Variants in LARP4 observed in about 807,000 individuals in gnomAD.
The protein encoded by LARP4 is La ribonucleoprotein 4.
A neutral mutation model predicts 92.9 loss-of-function variants in LARP4; 29 were observed. The ratio of observed to expected loss-of-function variants is 0.31; its 90% CI spans 0.23 to 0.43. The LOEUF (loss-of-function observed/expected upper bound fraction) is 0.43. Ranked by LOEUF, LARP4 falls within the 20% of genes least tolerant of loss-of-function variation. The pLI is 1.00. For missense variants in LARP4, 732 were observed against 860.0 expected, an observed-to-expected ratio of 0.85 and a Z score of 1.86; for synonymous variants, 279 against 284.1, an observed-to-expected ratio of 0.98 and a Z score of 0.18.
chr12:50,411,494 C>T (rs753564293), intron 1 of LARP4, among the ~76,000 whole-genome samples: 27 of 151,662 alleles, frequency 1.8e-4, no homozygotes, highest in Non-Finnish European at 3.1e-4. Context: ...CAGACGTGCA[C>T]CACCAACCCC....
chr12:50,461,036 G>T, intron 10 of LARP4, 99 bp from the exon 11 acceptor site: 2 of 852,242 alleles, frequency 2.3e-6, no homozygotes, highest in Non-Finnish European at 3.9e-6. Flanking sequence ...TTAATTTTTT[G>T]AAAACCCCAG....
At chr12:50,442,703 A>G (rs1951409613) in intron 8 of LARP4, among the ~76,000 whole-genome samples, 1 of 152,236 alleles carries the variant, frequency 6.6e-6, no homozygotes. Context: ...TTTAATCCTT[A>G]CAGGAACCTA....
chr12:50,443,987 A>G (rs921067561), intron 8 of LARP4, among the ~76,000 whole-genome samples: 3 of 151,940 alleles, frequency 2.0e-5, no homozygotes, highest in Non-Finnish European at 2.9e-5. Flanking sequence ...CCTTGACCCT[A>G]TTTTTCAGGA....
At chr12:50,404,679 C>T (rs1944462131) in intron 1 of LARP4, among the ~76,000 whole-genome samples, 1 of 135,744 alleles carries the variant, frequency 7.4e-6, no homozygotes, top group South Asian at 2.4e-4. Flanking sequence ...TGGGTTCAAG[C>T]AGTTTTTTTT....
intron 1 of LARP4, 78 bp downstream of exon 1, chr12:50,401,106 T>C: frequency 6.4e-7 from 1 of 1,551,136 alleles, no homozygotes; most frequent in Non-Finnish European, 8.9e-7. Flanking sequence ...CACCGCCATG[T>C]GACTTTCCGG....
At chr12:50,417,490 C>T (rs1171998377) in intron 1 of LARP4, among the ~76,000 whole-genome samples, 4 of 152,040 alleles carry the variant, frequency 2.6e-5, no homozygotes, top group African/African-American at 7.2e-5. Context: ...GAGCTAATTA[C>T]GATATGAGGA....
intron 1 of LARP4, among the ~76,000 whole-genome samples, chr12:50,413,584 A>G (rs1946276121): frequency 6.6e-6 from 1 of 152,186 alleles, no homozygotes. Flanking sequence ...ACAAATCTAG[A>G]TGGTATACCT....
At chr12:50,417,095 T>C (rs1946933093) in intron 1 of LARP4, among the ~76,000 whole-genome samples, 1 of 152,132 alleles carries the variant, frequency 6.6e-6, no homozygotes, top group Non-Finnish European at 1.5e-5. Context: ...GTGGCAAATA[T>C]GAAAGTGTCT....
At chr12:50,431,579 G>T (rs1225437189) in intron 4 of LARP4, among the ~76,000 whole-genome samples, 1 of 152,170 alleles carries the variant, frequency 6.6e-6, no homozygotes, top group Non-Finnish European at 1.5e-5. Flanking sequence ...AGGCGCAGTG[G>T]CTCATGCCTG....
chr12:50,441,268 ATCAC>A (rs1245993265), intron 7 of LARP4: 3 of 203,800 alleles, frequency 1.5e-5, no homozygotes, highest in Non-Finnish European at 2.9e-5. Flanking sequence ...GTGTTTAAAA[ATCAC>A]TCACAGATTT....
chr12:50,465,893 G>C (rs1402511661), intron 12 of LARP4, among the ~76,000 whole-genome samples: 1 of 152,156 alleles, frequency 6.6e-6, no homozygotes, highest in African/African-American at 2.4e-5. Flanking sequence ...TTGAAGCCAT[G>C]GATAGTGGAC....
chr12:50,479,915 A>G lies in LARP4; in HGVS notation c.*4051A>G, dbSNP rs1375606627. The G allele has an allele frequency of 6.6e-6, 1 of 152,608 alleles. No individual in the cohort carries two copies. The highest frequency in any genetic ancestry group is 6.5e-5 in the Admixed American group (1 of 15,282). 9.5% of individuals were successfully genotyped at this position (152,608 alleles called of 1,614,324 possible). A position where few individuals can be genotyped will look rare whatever the true frequency, so the allele number is the denominator to read the frequency against. On this transcript the variant is annotated 3_prime_UTR_variant, in exon 16 of 16. Transcript: ENST00000398473. ...TCATGCATAAAATGTTAAAATGAGT[A>G]CATCCTTGTATTTGTATTTGTTTTC...
At chr12:50,456,008 T>C (rs1042925564) in intron 10 of LARP4, among the ~76,000 whole-genome samples, 14 of 152,116 alleles carry the variant, frequency 9.2e-5, no homozygotes, top group African/African-American at 3.4e-4. Context: ...GCCGAGATCA[T>C]ACCACTGCAC....
At chr12:50,423,605 C>T (rs1026285446) in intron 1 of LARP4, among the ~76,000 whole-genome samples, 2 of 152,008 alleles carry the variant, frequency 1.3e-5, no homozygotes, top group South Asian at 2.1e-4. Flanking sequence ...CAGGCCACCA[C>T]GCCCGGCTAA....
intron 3 of LARP4, among the ~76,000 whole-genome samples, chr12:50,429,442 C>T (rs10783360): frequency 0.98 from 148,972 of 151,944 alleles, 73,094 homozygotes; most frequent in East Asian, 1. Context: ...AAACACTGTC[C>T]TATACTGAAA....
intron 1 of LARP4, chr12:50,402,892 C>T (rs1034108768): frequency 8.8e-5 from 38 of 432,970 alleles, no homozygotes; most frequent in African/African-American, 7.8e-4. Flanking sequence ...CTTTGTGAGT[C>T]ACTATGTCAT....
At chr12:50,402,491 T>A (rs1283274980) in intron 1 of LARP4, among the ~76,000 whole-genome samples, 1 of 152,116 alleles carries the variant, frequency 6.6e-6, no homozygotes, top group Non-Finnish European at 1.5e-5. Context: ...AGGTTTTAAG[T>A]GTGTGTTTTG....
intron 12 of LARP4, 100 bp downstream of exon 12, chr12:50,462,730 T>G: frequency 1.2e-6 from 1 of 837,108 alleles, no homozygotes; most frequent in South Asian, 1.6e-5. Context: ...TTTTATTGAT[T>G]GTAGTCTTCA....
chr12:50,461,944 C>T (rs1955453593), intron 11 of LARP4, among the ~76,000 whole-genome samples: 3 of 151,950 alleles, frequency 2.0e-5, no homozygotes, highest in Non-Finnish European at 2.9e-5. Flanking sequence ...GGTGACAGAG[C>T]GCGACTCTGT....
Sources: gnomAD v4.1 joint callset for allele counts (sites outside exome capture counted in the v4.1 genomes callset) on GRCh38, gnomAD v4.1.1 for gene constraint, MANE v1.5 for transcripts, NCBI Gene and HGNC (gene_info 2026-07-23, HGNC 2026-07-21) for gene names.